CNTNAP3B: variants seen among roughly 807,000 people sequenced by gnomAD.
The protein encoded by CNTNAP3B is contactin-associated protein-like 3B.
Under a neutral mutation model 108.9 loss-of-function variants are expected in CNTNAP3B, and 25 were observed. The ratio of observed to expected loss-of-function variants is 0.23; its 90% CI spans 0.17 to 0.32. The LOEUF (loss-of-function observed/expected upper bound fraction) is 0.32. Among genes scored for constraint, CNTNAP3B ranks in the 10% least tolerant of loss-of-function variants. The pLI is 1.00. For missense variants in CNTNAP3B, 252 were observed against 1,210.4 expected (o/e 0.21, Z 11.75); for synonymous variants, 103 against 473.4 (o/e 0.22, Z 10.16).
At chr9:41,966,361 C>CT (rs1167036104) in intron 10 of CNTNAP3B, among the ~76,000 whole-genome samples, 1 of 152,304 alleles carries the variant, frequency 6.6e-6, no homozygotes, top group East Asian at 1.9e-4. Context: ...GATCTAGAGA[C>CT]TATCAACATG....
chr9:41,958,070 C>T (rs1486097005), intron 12 of CNTNAP3B, among the ~76,000 whole-genome samples: 2 of 152,256 alleles, frequency 1.3e-5, no homozygotes, highest in Non-Finnish European at 1.5e-5. Flanking sequence ...TTAATGCTTG[C>T]TCTGTCTCTT....
intron 12 of CNTNAP3B, among the ~76,000 whole-genome samples, chr9:41,956,166 T>C (rs1432725365): frequency 2.0e-5 from 3 of 152,048 alleles, no homozygotes; most frequent in African/African-American, 4.8e-5. Context: ...GCAGGCGGAT[T>C]ACGAGGTCAG....
chr9:42,035,800 G>A (rs1826613664), intron 3 of CNTNAP3B, among the ~76,000 whole-genome samples: 1 of 149,162 alleles, frequency 6.7e-6, no homozygotes, highest in Non-Finnish European at 1.5e-5. Flanking sequence ...TGGGACTACA[G>A]GTGTGTGCCA....
intron 13 of CNTNAP3B, among the ~76,000 whole-genome samples, chr9:41,946,014 G>A (rs1453711797): frequency 6.6e-6 from 1 of 152,382 alleles, no homozygotes; most frequent in African/African-American, 2.4e-5. Flanking sequence ...CAATAATAAA[G>A]GGGTCAATAT....
At chr9:41,956,633 A>T (rs868002147) in intron 12 of CNTNAP3B, among the ~76,000 whole-genome samples, 2 of 147,948 alleles carry the variant, frequency 1.4e-5, no homozygotes, top group South Asian at 2.2e-4. Context: ...TATTAAGGTT[A>T]TCTCTTTTAG....
intron 10 of CNTNAP3B, among the ~76,000 whole-genome samples, chr9:41,965,044 A>G (rs1174678584): frequency 6.6e-6 from 1 of 152,292 alleles, no homozygotes; most frequent in African/African-American, 2.4e-5. Context: ...GAAGAAAGAA[A>G]CAGGAACAGC....
intron 3 of CNTNAP3B, among the ~76,000 whole-genome samples, chr9:42,056,635 C>G (rs1261151653): frequency 1.4e-5 from 2 of 138,316 alleles, no homozygotes; most frequent in African/African-American, 5.7e-5. Flanking sequence ...CGGGTGTGAG[C>G]CACCGCGCCA....
At chr9:41,956,596 A>T (rs1824868277) in intron 12 of CNTNAP3B, among the ~76,000 whole-genome samples, 1 of 149,732 alleles carries the variant, frequency 6.7e-6, no homozygotes, top group South Asian at 2.1e-4. Flanking sequence ...AATAAGATCC[A>T]CTGTGTTCTG....
intron 3 of CNTNAP3B, among the ~76,000 whole-genome samples, chr9:42,066,423 CT>C (rs1158361481): frequency 0.019 from 991 of 53,138 alleles, 64 homozygotes; most frequent in African/African-American, 0.055. Flanking sequence ...GCTGTTGAAT[CT>C]TTTTTTTTTT....
chr9:41,965,308 C>CA (rs1258192712), intron 10 of CNTNAP3B, among the ~76,000 whole-genome samples: 1 of 152,146 alleles, frequency 6.6e-6, no homozygotes, highest in Admixed American at 6.5e-5. Flanking sequence ...CTGAACCAGC[C>CA]AATGTTGAAA....
intron 3 of CNTNAP3B, among the ~76,000 whole-genome samples, chr9:42,054,227 T>A (rs1827013326): frequency 1.2e-5 from 1 of 82,874 alleles, no homozygotes; most frequent in Non-Finnish European, 2.5e-5. Context: ...TTACACCATG[T>A]GAATTTAAAA....
In CNTNAP3B at chr9:41,968,301, C is replaced by T. The variant is rs536554326; in HGVS notation, c.1649+1773G>A. On this transcript the variant is annotated intron_variant, in intron 10 of 23. Transcript: ENST00000377561. ...CAGTGTGGGCCCATGGGACATTACC[C>T]CTTAACTCAGAGAGAGATGAGCTCC... Among the ~76,000 whole-genome samples, 111 of 142,770 alleles carry T rather than the reference C, an allele frequency of 7.8e-4. 1 individual carries two copies. The East Asian group carries it at 0.017, about 22-fold the overall frequency. The allele number at this position is 142,770 out of a possible 152,430, so 93.7% of individuals were successfully genotyped here.
chr9:42,063,618 A>C (rs1655250822), intron 3 of CNTNAP3B, among the ~76,000 whole-genome samples: 1 of 135,722 alleles, frequency 7.4e-6, no homozygotes, highest in Non-Finnish European at 1.6e-5. Flanking sequence ...GATTGATAAA[A>C]CTTTTTCTGC....
At chr9:41,997,325 T>C (rs1368805442) in intron 6 of CNTNAP3B, among the ~76,000 whole-genome samples, 4 of 152,222 alleles carry the variant, frequency 2.6e-5, no homozygotes, top group Non-Finnish European at 5.9e-5. Flanking sequence ...GCTACCTTGG[T>C]ATTTCTGCAT....
rs1318544719 is a variant in CNTNAP3B, at chr9:41,964,769, G to T, written c.1650-125C>A. ...GATAACCCCACATGACGTGATTACT[G>T]GGTCTGCCATCAAGGTTCTCTAATT... On this transcript the variant is annotated intron_variant, in intron 10 of 23. Coordinates refer to ENST00000377561, the MANE Select transcript of CNTNAP3B (RefSeq NM_001201380.3). The T allele has an allele frequency of 8.0e-6, 10 of 1,257,692 alleles. 1 individual carries two copies. The highest frequency in any genetic ancestry group is 2.9e-5 in the Admixed American group (1 of 34,366). The allele number at this position is 1,257,692 out of a possible 1,614,324, so 77.9% of individuals were successfully genotyped here.
chr9:41,942,242 G>C (rs1315817573), intron 13 of CNTNAP3B, among the ~76,000 whole-genome samples: 15 of 152,378 alleles, frequency 9.8e-5, no homozygotes, highest in African/African-American at 3.6e-4. Context: ...TTGGGAGGCC[G>C]AGGCGGGCAG....
At chr9:41,972,528 C>T (rs1208969655) in intron 9 of CNTNAP3B, among the ~76,000 whole-genome samples, 1 of 138,532 alleles carries the variant, frequency 7.2e-6, no homozygotes, top group Non-Finnish European at 1.5e-5. Flanking sequence ...AGCTTTATCT[C>T]TTTAACTTTA....
chr9:42,089,535 G>A (rs950963976), intron 2 of CNTNAP3B, among the ~76,000 whole-genome samples: 3 of 145,774 alleles, frequency 2.1e-5, no homozygotes, highest in Admixed American at 6.8e-5. Context: ...TTAAACTATG[G>A]TGCCAAGTTT....
chr9:42,099,271 G>A (rs1230691339), intron 2 of CNTNAP3B, among the ~76,000 whole-genome samples: 4 of 123,062 alleles, frequency 3.3e-5, no homozygotes, highest in African/African-American at 1.3e-4. Flanking sequence ...GCCTCATTAG[G>A]GCAGTTTCCA....
Sources: gnomAD v4.1 joint callset for allele counts (sites outside exome capture counted in the v4.1 genomes callset) on GRCh38, gnomAD v4.1.1 for gene constraint, MANE v1.5 for transcripts, NCBI Gene and HGNC (gene_info 2026-07-23, HGNC 2026-07-21) for gene names.